PTPRD: variants seen among roughly 807,000 people sequenced by gnomAD.
PTPRD encodes protein tyrosine phosphatase receptor type D.
A neutral mutation model predicts 214.5 loss-of-function variants in PTPRD; 34 were observed. The ratio of observed to expected loss-of-function variants is 0.16; its 90% CI spans 0.12 to 0.21. The LOEUF is 0.21. Among genes scored for constraint, PTPRD ranks in the 10% least tolerant of loss-of-function variants. PTPRD has a pLI of 1.00. For missense variants in PTPRD, 2,545 were observed against 2,398.7 expected (o/e 1.06, Z -1.27); for synonymous variants, 1,128 against 845.7 (o/e 1.33, Z -5.79).
chr9:10,480,040 C>T (rs1855851), intron 2 of PTPRD, among the ~76,000 whole-genome samples: 10,742 of 152,096 alleles, frequency 0.071, 445 homozygotes, highest in African/African-American at 0.082. Context: ...TTGTTCTCAT[C>T]CTGGTGAAAG....
intron 39 of PTPRD, among the ~76,000 whole-genome samples, chr9:8,348,055 T>G (rs142936571): frequency 0.013 from 1,999 of 152,144 alleles, 36 homozygotes; most frequent in African/African-American, 0.046. Flanking sequence ...TAAAAAAAAG[T>G]GCTAGAATAG....
chr9:8,363,772 C>T (rs1307345417), intron 39 of PTPRD, among the ~76,000 whole-genome samples: 1 of 152,084 alleles, frequency 6.6e-6, no homozygotes, highest in South Asian at 2.1e-4. Flanking sequence ...AGACAGACAG[C>T]CCCCACCCCC....
intron 8 of PTPRD, among the ~76,000 whole-genome samples, chr9:9,440,571 G>A (rs1234347020): frequency 6.6e-6 from 1 of 152,182 alleles, no homozygotes; most frequent in Non-Finnish European, 1.5e-5. Context: ...GATAACTTCA[G>A]ATGGAATCTT....
At chr9:10,357,354 T>C (rs939124887) in intron 2 of PTPRD, among the ~76,000 whole-genome samples, 10 of 152,188 alleles carry the variant, frequency 6.6e-5, no homozygotes, top group Admixed American at 4.6e-4. Flanking sequence ...ATTCGTTCCT[T>C]GATAATAATT....
At chr9:10,544,593 A>G (rs1458023187) in intron 2 of PTPRD, among the ~76,000 whole-genome samples, 3 of 152,168 alleles carry the variant, frequency 2.0e-5, no homozygotes, top group Non-Finnish European at 4.4e-5. Context: ...CTAACCAGCA[A>G]CCAGTATTTA....
At chr9:10,093,236 C>T (rs568621111) in intron 3 of PTPRD, among the ~76,000 whole-genome samples, 7 of 150,920 alleles carry the variant, frequency 4.6e-5, no homozygotes, top group Non-Finnish European at 7.4e-5. Context: ...CTACAAGAAA[C>T]TTAAATCAAC....
At chr9:10,608,122 T>A (rs2079978268) in intron 2 of PTPRD, among the ~76,000 whole-genome samples, 1 of 151,982 alleles carries the variant, frequency 6.6e-6, no homozygotes, top group African/African-American at 2.4e-5. Context: ...TACATGTATG[T>A]AAGGAATAAT....
chr9:8,619,062 A>G (rs1204897701), intron 14 of PTPRD, among the ~76,000 whole-genome samples: 3 of 151,198 alleles, frequency 2.0e-5, no homozygotes, highest in Non-Finnish European at 3.0e-5. Context: ...ACCCAGCCAT[A>G]CATTTATTTT....
intron 5 of PTPRD, among the ~76,000 whole-genome samples, chr9:9,889,931 G>T (rs1337225198): frequency 5.9e-5 from 9 of 151,960 alleles, no homozygotes; most frequent in Admixed American, 1.3e-4. Flanking sequence ...CTTTCCTGAA[G>T]AACGGCAGAG....
At chr9:10,326,049 T>G (rs886749818) in intron 3 of PTPRD, among the ~76,000 whole-genome samples, 1 of 151,818 alleles carries the variant, frequency 6.6e-6, no homozygotes, top group Non-Finnish European at 1.5e-5. Context: ...ATCCACTGAT[T>G]AATTGTAAGG....
intron 12 of PTPRD, among the ~76,000 whole-genome samples, chr9:8,707,511 T>C (rs2098235197): frequency 6.6e-6 from 1 of 152,238 alleles, no homozygotes; most frequent in Non-Finnish European, 1.5e-5. Context: ...TGGGACAAAG[T>C]GTTCCTTAAA....
chr9:8,366,799 A>G (rs1356189831), intron 39 of PTPRD, among the ~76,000 whole-genome samples: 1 of 152,256 alleles, frequency 6.6e-6, no homozygotes, highest in African/African-American at 2.4e-5. Context: ...CCAAGTGTGA[A>G]TACGAAGCAA....
At chr9:8,663,635 G>A (rs1259186614) in intron 12 of PTPRD, among the ~76,000 whole-genome samples, 1 of 152,040 alleles carries the variant, frequency 6.6e-6, no homozygotes, top group East Asian at 1.9e-4. Context: ...GGGGTTACAG[G>A]CACCTACCAC....
chr9:8,430,914 C>T (rs2095003320), intron 35 of PTPRD, among the ~76,000 whole-genome samples: 1 of 152,126 alleles, frequency 6.6e-6, no homozygotes, highest in Admixed American at 6.5e-5. Flanking sequence ...GTGTAATTCT[C>T]GTTTGATTGT....
At chr9:8,673,523 T>A (rs2097331792) in intron 12 of PTPRD, among the ~76,000 whole-genome samples, 1 of 152,232 alleles carries the variant, frequency 6.6e-6, no homozygotes, top group South Asian at 2.1e-4. Context: ...TTACACTCTC[T>A]TAAGCCTTCC....
intron 3 of PTPRD, among the ~76,000 whole-genome samples, chr9:10,297,441 T>C (rs1348964581): frequency 6.6e-6 from 1 of 151,982 alleles, no homozygotes; most frequent in Non-Finnish European, 1.5e-5. Flanking sequence ...AAAGCAGAGG[T>C]TAGGCAAACA....
intron 5 of PTPRD, among the ~76,000 whole-genome samples, chr9:9,860,012 AAAT>A (rs138235052): frequency 0.02 from 2,977 of 152,318 alleles, 95 homozygotes; most frequent in African/African-American, 0.068. Flanking sequence ...GGTACAATTC[AAAT>A]AATATTTGAT....
intron 35 of PTPRD, among the ~76,000 whole-genome samples, chr9:8,410,032 G>C (rs1485013277): frequency 6.6e-6 from 1 of 152,186 alleles, no homozygotes; most frequent in East Asian, 1.9e-4. Context: ...CTGAGGTTTA[G>C]AAGAGCAATC....
chr9:9,748,523 A>G (rs1042241818), intron 6 of PTPRD, among the ~76,000 whole-genome samples: 3 of 152,326 alleles, frequency 2.0e-5, no homozygotes, highest in African/African-American at 7.2e-5. Flanking sequence ...ATCGTAAGGG[A>G]TACATACTTA....
Sources: allele counts gnomAD v4.1 joint callset (sites outside exome capture counted in the v4.1 genomes callset), GRCh38; gene constraint gnomAD v4.1.1; transcripts MANE v1.5; gene names NCBI Gene and HGNC (gene_info 2026-07-23, HGNC 2026-07-21).